PTPRU: variants seen among roughly 807,000 people sequenced by gnomAD.
The protein encoded by PTPRU is receptor-type tyrosine-protein phosphatase U.
PTPRU carries 69 observed loss-of-function variants against 166.3 expected under a neutral mutation model. The ratio of observed to expected loss-of-function variants is 0.41; its 90% confidence interval spans 0.34 to 0.51. The LOEUF is 0.51. Among genes scored for constraint, PTPRU ranks in the 20% least tolerant of loss-of-function variants. The probability of loss-of-function intolerance (pLI) is 0.09; values close to 1 mark genes in which losing one functional copy is unlikely to be tolerated. For synonymous variants in PTPRU, 793 were observed against 814.0 expected (o/e 0.97, Z 0.44); for missense variants, 1,657 against 2,013.7 (o/e 0.82, Z 3.39).
intron 2 of PTPRU, 62 bp downstream of exon 2, chr1:29,255,468 T>A: frequency 6.3e-7 from 1 of 1,596,808 alleles, no homozygotes; most frequent in Non-Finnish European, 8.6e-7. Flanking sequence ...TCTACCCACC[T>A]GCTGTGTGAC....
chr1:29,276,206 G>C (rs1025477716), intron 8 of PTPRU, among the ~76,000 whole-genome samples: 2 of 152,114 alleles, frequency 1.3e-5, no homozygotes, highest in Admixed American at 6.5e-5. Context: ...GCCCAGGCTG[G>C]AGTACAGTGG....
chr1:29,236,750 C>G lies in PTPRU; in HGVS notation c.73+33C>G. On this transcript the variant is annotated intron_variant, in intron 1 of 29. Transcript: ENST00000373779. The surrounding 1 kb of genome is among the most constrained non-coding windows in gnomAD (Gnocchi z 4.6). The stretch of plus-strand genomic sequence containing the variant: ...CGCGGCGGCCGGACCGAGCCTGCCC[C>G]GCCGAGCCTCGGGGCCCGTGGCGTA... The G allele has an allele frequency of 2.2e-6, 3 of 1,394,010 alleles. No individual in the cohort carries two copies. Among genetic ancestry groups the G allele is most frequent in the Non-Finnish European group, 2.8e-6 (3 of 1,077,370 alleles). The allele number at this position is 1,394,010 out of a possible 1,614,324, so 86.4% of individuals were successfully genotyped here.
chr1:29,254,361 C>G (rs1415244097), intron 1 of PTPRU, among the ~76,000 whole-genome samples: 3 of 152,212 alleles, frequency 2.0e-5, no homozygotes, highest in Non-Finnish European at 4.4e-5. Context: ...GACCTCATTA[C>G]CAACCAAAGG....
chr1:29,326,727 C>T lies in PTPRU; in HGVS notation c.*1066C>T, dbSNP rs1574744236. 1 of 152,320 alleles carries T rather than the reference C, an allele frequency of 6.6e-6. No individual in the cohort carries two copies. Among genetic ancestry groups the T allele is most frequent in the South Asian group, 2.1e-4 (1 of 4,828 alleles). The allele number at this position is 152,320 out of a possible 1,614,324, so 9.4% of individuals were successfully genotyped here. On this transcript the variant is annotated 3_prime_UTR_variant, in exon 30 of 30. Transcript: ENST00000373779. Reference sequence around the variant, plus strand: ...TGTAGATATGACTACTGACCTACCTCGCAGGGGGCTGTGGGGAGGCATAAG... The same window carrying T: ...TGTAGATATGACTACTGACCTACCTTGCAGGGGGCTGTGGGGAGGCATAAG...
At chr1:29,323,860 G>T in intron 28 of PTPRU, 72 bp downstream of exon 28, 1 of 1,548,244 alleles carries the variant, frequency 6.5e-7, no homozygotes, top group Non-Finnish European at 8.8e-7. Flanking sequence ...GTCTGAAAGG[G>T]TGCCAGCTTT....
At chr1:29,274,061 C>T (rs905290434) in intron 7 of PTPRU, among the ~76,000 whole-genome samples, 14 of 152,056 alleles carry the variant, frequency 9.2e-5, no homozygotes, top group African/African-American at 3.4e-4. Flanking sequence ...GACGGAGTCT[C>T]GCTCTGTTGC....
intron 22 of PTPRU, among the ~76,000 whole-genome samples, chr1:29,313,353 A>C (rs1466182288): frequency 6.6e-6 from 1 of 152,040 alleles, no homozygotes; most frequent in African/African-American, 2.4e-5. Flanking sequence ...CAGCTCCCCA[A>C]ATGCCGCATG....
rs1683905230 is a variant in PTPRU, at chr1:29,238,754, C to CTT, written c.73+2037_73+2038insTT. 6.6e-6 allele frequency among the ~76,000 whole-genome samples: 1 copy of CTT among 152,124 alleles called. No homozygotes were observed. Among genetic ancestry groups the CTT allele is most frequent in the African/African-American group, 2.4e-5 (1 of 41,426 alleles). On this transcript the variant is annotated intron_variant, in intron 1 of 29. Coordinates refer to ENST00000373779, the MANE Select transcript of PTPRU (RefSeq NM_133178.4). The surrounding 1 kb of genome is among the most constrained non-coding windows in gnomAD (Gnocchi z 6.1). ...CTCTCCCACCGTGAAATCAAACCCG[C>CTT]GGGGTTCTGTATGCGCCCCATCCCC...
Position 29,279,134 on chromosome 1 carries a change from C to T in PTPRU, c.1563+13C>T, listed in dbSNP as rs72651203. On this transcript the variant is annotated intron_variant, in intron 9 of 29. Transcript: ENST00000373779. This position sits in a 1 kb window ranked among gnomAD's most constrained non-coding sequence, Gnocchi z 5.2. ...CACCCAGTATGAGGTGGGTTTGGGA[C>T]CCTATTACAGTGGGGGACCCTGGTG... is the stretch of plus-strand genomic sequence containing the variant. 0.05 allele frequency: 78,132 copies of T among 1,549,424 alleles called. 2,126 individuals carry two copies. The highest frequency in any genetic ancestry group is 0.073 in the South Asian group (6,191 of 84,268).
intron 22 of PTPRU, among the ~76,000 whole-genome samples, chr1:29,314,890 T>C (rs1301730790): frequency 6.6e-6 from 1 of 152,058 alleles, no homozygotes; most frequent in East Asian, 1.9e-4. Flanking sequence ...CGAAGAGTGT[T>C]TTAATAAAAA....
At chr1:29,247,316 G>T (rs1008653605) in intron 1 of PTPRU, among the ~76,000 whole-genome samples, 3 of 152,218 alleles carry the variant, frequency 2.0e-5, no homozygotes, top group Non-Finnish European at 4.4e-5. Flanking sequence ...CACTTCCATG[G>T]TGCATCATGG....
At position 29,260,255 on chromosome 1, in the gene PTPRU, G is replaced by A. The variant is rs952049900; in HGVS notation, c.850+211G>A. On this transcript the variant is annotated intron_variant, in intron 6 of 29. Transcript: ENST00000373779. The surrounding 1 kb of genome is among the most constrained non-coding windows in gnomAD (Gnocchi z 8.3). ...GGTCGGGGCTGGCTTCGAGGGGGAC[G>A]GACAGGGTCAAGGTGAGAGCCTAAA... The A allele has an allele frequency of 5.4e-6, 3 of 555,856 alleles. No individual in the cohort carries two copies. The South Asian group carries it at 1.1e-4, about 21-fold the overall frequency. 34.4% of individuals were successfully genotyped at this position (555,856 alleles called of 1,614,324 possible).
rs1684932492 is a variant in PTPRU, at chr1:29,259,497, G to T, written c.608G>T (p.Gly203Val). Reference sequence around the variant, plus strand: ...CTGGGCGACGTGGAGGTCAACGCGGGCCAGAACGCGTCGTTCCAGTGCATG... The same window carrying T: ...CTGGGCGACGTGGAGGTCAACGCGGTCCAGAACGCGTCGTTCCAGTGCATG... ...SRLGDVEVNAGQNASFQCMAA... is the reference protein window; with the variant it reads ...SRLGDVEVNAVQNASFQCMAA... Residue 203 changes from glycine to valine, a missense_variant, in exon 5 of 30, where the codon GGC becomes GTC. Physicochemically the swap from Gly to Val is moderately radical, Grantham distance 109. This residue lies in a region of PTPRU where 453 missense variants were observed against 496.9 expected (regional missense o/e 0.91). Transcript: ENST00000373779. 6.3e-7 allele frequency: 1 copy of T among 1,596,886 alleles called. No individual in the cohort carries two copies. Among genetic ancestry groups the T allele is most frequent in the Middle Eastern group, 1.7e-4 (1 of 5,934 alleles).
At position 29,320,925 on chromosome 1, in the gene PTPRU, G is replaced by A. The variant is rs1472400146; in HGVS notation, c.3828+100G>A. On this transcript the variant is annotated intron_variant, in intron 26 of 29. Transcript: ENST00000373779. The surrounding 1 kb of genome is among the most constrained non-coding windows in gnomAD (Gnocchi z 5.2). ...AAGCCAAAAGTTGGGTCCCAGCTCTGCCATCTATTTATTGTGTGATGAATC... is the reference window on the plus strand; with the variant it reads ...AAGCCAAAAGTTGGGTCCCAGCTCTACCATCTATTTATTGTGTGATGAATC... 7 of 1,310,674 alleles carry A rather than the reference G, an allele frequency of 5.3e-6. No individual in the cohort carries two copies. In the Admixed American group the frequency reaches 1.9e-4, roughly 36 times the overall value. The allele number at this position is 1,310,674 out of a possible 1,614,324, so 81.2% of individuals were successfully genotyped here. A position where few individuals can be genotyped will look rare whatever the true frequency, so the allele number is the denominator to read the frequency against.
chr1:29,289,675 G>C, intron 14 of PTPRU: 1 of 1,613,964 alleles, frequency 6.2e-7, no homozygotes. Flanking sequence ...CTCTTTGCAC[G>C]CTGCCAGGAG....
In PTPRU at chr1:29,259,925, G is replaced by T; in HGVS notation, c.731G>T (p.Arg244Leu). The part of the protein sequence containing the change: ...AAGVRHISHR[R>L]FLATFPLAAV... ...GGCGTGCGGCACATCAGCCACCGGC[G>T]CTTCCTGGCCACTTTCCCGCTGGCT... Residue 244 changes from arginine to leucine, a missense_variant, in exon 6 of 30, where the codon CGC becomes CTC. By Grantham distance (102) the Arg-to-Leu change is moderately radical (BLOSUM62 -2). Around this residue, in one of 3 missense-constraint regions of PTPRU, gnomAD observed 453 missense variants for 496.9 expected, o/e 0.91. Coordinates refer to ENST00000373779, the MANE Select transcript of PTPRU (RefSeq NM_133178.4). 4 of 1,534,048 alleles carry T rather than the reference G, an allele frequency of 2.6e-6. No homozygotes were observed. The highest frequency in any genetic ancestry group is 1.2e-5 in the South Asian group (1 of 83,888).
intron 25 of PTPRU, among the ~76,000 whole-genome samples, chr1:29,319,269 C>T (rs1325721480): frequency 6.6e-6 from 1 of 152,064 alleles, no homozygotes; most frequent in East Asian, 1.9e-4. Flanking sequence ...CCAGCCCCCT[C>T]CTTGGCCTTG....
intron 7 of PTPRU, among the ~76,000 whole-genome samples, chr1:29,270,877 G>C (rs1317081918): frequency 6.6e-6 from 1 of 152,186 alleles, no homozygotes; most frequent in Non-Finnish European, 1.5e-5. Flanking sequence ...GGTGAGGTGG[G>C]AGGATTGAGA....
At chr1:29,302,167 G>C (rs891077517) in intron 15 of PTPRU, among the ~76,000 whole-genome samples, 1 of 151,610 alleles carries the variant, frequency 6.6e-6, no homozygotes, top group East Asian at 1.9e-4. Flanking sequence ...GTGTGTGTGT[G>C]TGTGTGTGTG....
Sources: allele counts gnomAD v4.1 joint callset (sites outside exome capture counted in the v4.1 genomes callset), GRCh38; gene constraint gnomAD v4.1.1; regional missense constraint gnomAD v4.1.1; non-coding constraint Gnocchi (gnomAD v3.1); transcripts MANE v1.5; gene names NCBI Gene and HGNC (gene_info 2026-07-23, HGNC 2026-07-21).